SLC8B1: variants seen among roughly 807,000 people sequenced by gnomAD.
The protein encoded by SLC8B1 is mitochondrial sodium/calcium exchanger protein.
In SLC8B1, 52 loss-of-function variants were observed where a neutral mutation model predicts 63.4. That is an observed-to-expected ratio of 0.82 (90% CI 0.66 to 1.03). The LOEUF is 1.03. Among genes scored for constraint, SLC8B1 ranks in the 50% least tolerant of loss-of-function variants. SLC8B1 has a pLI of 0.00. For synonymous variants in SLC8B1, 336 were observed against 323.9 expected (o/e 1.04, Z -0.40); for missense variants, 657 against 741.7 (o/e 0.89, Z 1.33).
chr12:113,300,112 GCAACAATGCAGCCTCAA>G lies in SLC8B1; in HGVS notation c.1558-155_1558-139del, dbSNP rs1245766197. 10 of 630,772 alleles carry G rather than the reference GCAACAATGCAGCCTCAA, an allele frequency of 1.6e-5. No individual in the cohort carries two copies. The East Asian group carries it at 3.0e-4, about 19-fold the overall frequency. 39.1% of individuals were successfully genotyped at this position (630,772 alleles called of 1,614,324 possible). A position where few individuals can be genotyped will look rare whatever the true frequency, so the allele number is the denominator to read the frequency against. On this transcript the variant is annotated intron_variant, in intron 15 of 15. Transcript: ENST00000680972. ...CAGCCTCAGCAACAATGCAGCCTCA[GCAACAATGCAGCCTCAA>G]CAACAATCCAGCCTCAACAACAATG...
At chr12:113,304,173 C>T in intron 15 of SLC8B1, 148 bp downstream of exon 15, 1 of 657,664 alleles carries the variant, frequency 1.5e-6, no homozygotes, top group Non-Finnish European at 2.7e-6. Context: ...AGCTACCACA[C>T]CCGGCCAAGA....
intron 2 of SLC8B1, among the ~76,000 whole-genome samples, chr12:113,321,667 C>T (rs1041432200): frequency 2.0e-5 from 3 of 152,230 alleles, no homozygotes; most frequent in South Asian, 2.1e-4. Flanking sequence ...CACATCCTTA[C>T]AGACATTTCT....
intron 2 of SLC8B1, among the ~76,000 whole-genome samples, chr12:113,327,343 G>C (rs762967427): frequency 3.9e-5 from 6 of 152,080 alleles, no homozygotes; most frequent in Non-Finnish European, 5.9e-5. Flanking sequence ...GTGATTTTGG[G>C]CAAGTAAATT....
chr12:113,326,935 C>G (rs1276204310), intron 2 of SLC8B1, among the ~76,000 whole-genome samples: 1 of 152,134 alleles, frequency 6.6e-6, no homozygotes, highest in African/African-American at 2.4e-5. Context: ...ATCAACTATT[C>G]CCACCAAAAC....
chr12:113,300,414 C>T (rs538137592), intron 15 of SLC8B1, among the ~76,000 whole-genome samples: 1 of 152,130 alleles, frequency 6.6e-6, no homozygotes, highest in Non-Finnish European at 1.5e-5. Context: ...ACTCAGGAGG[C>T]GGAGGTTGCA....
At position 113,327,284 on chromosome 12, in the gene SLC8B1, T is replaced by G. The variant is rs542594794; in HGVS notation, c.156+5439A>C. On this transcript the variant is annotated intron_variant, in intron 2 of 15. Transcript: ENST00000680972. ...CAGCTCCCTCTACTGAGCCCTCCTC[T>G]CTCATGAAACTGCCTGGTTGAAATT... Among the ~76,000 whole-genome samples the G allele has an allele frequency of 2.0e-5, 3 of 152,228 alleles. 1 individual carries two copies. The highest frequency in any genetic ancestry group is 7.2e-5 in the African/African-American group (3 of 41,534).
chr12:113,316,629 TAGA>T lies in SLC8B1; in HGVS notation c.887_889del (p.Phe296del), dbSNP rs1319700096. ...CAGGATCTGAGCCGTGGTCTCCTGG[TAGA>T]AGAACAGCGGCCGGTACTCATCACC... On this transcript the variant is annotated inframe_deletion, in exon 10 of 16. Coordinates refer to ENST00000680972, the MANE Select transcript of SLC8B1 (RefSeq NM_001358345.2). 8 of 1,613,880 alleles carry T rather than the reference TAGA, an allele frequency of 5.0e-6. No homozygotes were observed. Among genetic ancestry groups the T allele is most frequent in the Non-Finnish European group, 6.8e-6 (8 of 1,180,026 alleles).
intron 2 of SLC8B1, among the ~76,000 whole-genome samples, chr12:113,328,035 T>A (rs1380678010): frequency 5.7e-4 from 87 of 151,660 alleles, no homozygotes; most frequent in African/African-American, 1.8e-3. Context: ...TATTTATTTA[T>A]TTATTTATTT....
At chr12:113,300,116 C>T (rs995822814) in intron 15 of SLC8B1, 142 bp from the exon 16 acceptor site, 1 of 628,650 alleles carries the variant, frequency 1.6e-6, no homozygotes, top group Non-Finnish European at 2.6e-6. Flanking sequence ...GCCTCAGCAA[C>T]AATGCAGCCT....
intron 2 of SLC8B1, among the ~76,000 whole-genome samples, chr12:113,322,467 C>G (rs1433065279): frequency 6.6e-6 from 1 of 152,124 alleles, no homozygotes; most frequent in Non-Finnish European, 1.5e-5. Flanking sequence ...TTCAATATAG[C>G]CAATGAGCTT....
intron 11 of SLC8B1, among the ~76,000 whole-genome samples, chr12:113,312,844 C>T (rs549342034): frequency 6.6e-6 from 1 of 152,286 alleles, no homozygotes; most frequent in Admixed American, 6.5e-5. Context: ...GCTCTTCTCC[C>T]TAGTACAGGC....
chr12:113,316,820 G>A (rs1178928162), intron 9 of SLC8B1, 122 bp downstream of exon 9: 3 of 1,478,504 alleles, frequency 2.0e-6, no homozygotes, highest in Non-Finnish European at 2.8e-6. Context: ...CTGAGCTGCA[G>A]TGAGAGGTGG....
At chr12:113,322,967 G>T (rs1430306472) in intron 2 of SLC8B1, among the ~76,000 whole-genome samples, 1 of 151,768 alleles carries the variant, frequency 6.6e-6, no homozygotes, top group East Asian at 1.9e-4. Flanking sequence ...AAAAATAAAA[G>T]AAATAGGAGA....
At chr12:113,303,369 G>A (rs960102354) in intron 15 of SLC8B1, among the ~76,000 whole-genome samples, 32 of 152,118 alleles carry the variant, frequency 2.1e-4, no homozygotes, top group African/African-American at 5.6e-4. Flanking sequence ...CCCTGCCCCC[G>A]GCTAACAGGC....
chr12:113,317,368 C>T lies in SLC8B1; in HGVS notation c.803-367G>A, dbSNP rs372355179. On this transcript the variant is annotated intron_variant, in intron 8 of 15. Transcript: ENST00000680972. ...CTTCCCAAAGTGATGGCATTACAGG[C>T]ATGAGCCACTGCGCCCGGCCACGTC... 1.3e-4 allele frequency among the ~76,000 whole-genome samples: 20 copies of T among 152,344 alleles called. No homozygotes were observed. In the East Asian group the frequency reaches 3.7e-3, roughly 28 times the overall value.
intron 11 of SLC8B1, among the ~76,000 whole-genome samples, chr12:113,310,917 T>C (rs1956750013): frequency 6.6e-6 from 1 of 152,250 alleles, no homozygotes; most frequent in Non-Finnish European, 1.5e-5. Flanking sequence ...GTACTGGTCT[T>C]AAAGACGATG....
At chr12:113,317,129 T>C (rs1956846132) in intron 8 of SLC8B1, 128 bp from the exon 9 acceptor site, 1 of 813,198 alleles carries the variant, frequency 1.2e-6, no homozygotes, top group South Asian at 1.6e-5. Flanking sequence ...GGACAGGATC[T>C]TTCTCTGTCA....
At position 113,316,557 on chromosome 12, in the gene SLC8B1, G is replaced by C. The variant is rs770943015; in HGVS notation, c.962C>G (p.Ser321Ter). The change falls in exon 10 of 16, where the codon TCA (serine) becomes TGA (stop). Residue 321 changes from serine (S) to a stop codon, truncating the protein, a stop_gained. Transcript: ENST00000680972. LOFTEE classifies it high-confidence loss of function. Reference protein sequence around the residue: ...PLDYMKWRRKSAYWKALKVFK... With the variant: ...PLDYMKWRRK ...CACCTTGAGGGCTTTCCAGTATGCT[G>C]ATTTCCTTCTCCACTTCATGTAATC... 6.2e-7 allele frequency: 1 copy of C among 1,614,190 alleles called. No individual in the cohort carries two copies. The highest frequency in any genetic ancestry group is 8.5e-7 in the Non-Finnish European group (1 of 1,180,028).
intron 11 of SLC8B1, among the ~76,000 whole-genome samples, chr12:113,312,335 G>A (rs1956776143): frequency 6.6e-6 from 1 of 152,190 alleles, no homozygotes; most frequent in African/African-American, 2.4e-5. Context: ...TTGGGAGACT[G>A]AGGCAGGAGA....
Sources: gnomAD v4.1 joint callset for allele counts (sites outside exome capture counted in the v4.1 genomes callset) on GRCh38, gnomAD v4.1.1 for gene constraint, MANE v1.5 for transcripts, NCBI Gene and HGNC (gene_info 2026-07-23, HGNC 2026-07-21) for gene names.